Variants in DCHS2 observed in about 807,000 individuals in gnomAD.
The protein encoded by DCHS2 is dachsous cadherin-related 2, also known as protocadherin-23.
In DCHS2, 142 loss-of-function variants were observed where a neutral mutation model predicts 182.4. That is an observed-to-expected ratio of 0.78 (90% CI 0.68 to 0.89). The LOEUF is 0.89. Among genes scored for constraint, DCHS2 ranks in the 40% least tolerant of loss-of-function variants. The pLI, the probability that DCHS2 is intolerant of heterozygous loss-of-function variation, is 0.00. For missense variants in DCHS2, 4,319 were observed against 4,198.6 expected (o/e 1.03, Z -0.79); for synonymous variants, 1,740 against 1,663.3 (o/e 1.05, Z -1.12).
intron 1 of DCHS2, among the ~76,000 whole-genome samples, chr4:154,378,497 GTGGGA>G (rs1731017318): frequency 8.6e-6 from 1 of 116,580 alleles, no homozygotes; most frequent in Non-Finnish European, 2.0e-5. Flanking sequence ...GGGAGGGAGG[GTGGGA>G]AGGAAGGAAG....
rs1730362936 is a variant in DCHS2 at position 154,366,405 on chromosome 4, G to A, written c.2281C>T (p.Leu761=). The part of the protein sequence containing the change: ...LSAQAFVRVD[L]EDVNDNHPVF... The stretch of plus-strand genomic sequence containing the variant: ...GGATGATTATCATTCACGTCCTCCA[G>A]GTCCACACGAACAAAGGCTTGGGCA... Residue 761 remains leucine (L), a synonymous_variant, in exon 3 of 20, where the codon CTG becomes TTG. Coordinates refer to ENST00000357232, the MANE Select transcript of DCHS2 (RefSeq NM_001358235.2). The A allele has an allele frequency of 6.2e-7, 1 of 1,613,756 alleles. No individual in the cohort carries two copies. The highest frequency in any genetic ancestry group is 2.2e-5 in the East Asian group (1 of 44,816).
intron 4 of DCHS2, 76 bp from the exon 5 acceptor site, chr4:154,333,570 A>G: frequency 7.2e-7 from 1 of 1,383,424 alleles, no homozygotes; most frequent in Non-Finnish European, 9.8e-7. Context: ...TGAAATGTTA[A>G]TACAGTCATC....
At chr4:154,305,427 T>C (rs1230045052) in intron 10 of DCHS2, among the ~76,000 whole-genome samples, 196 bp from the exon 11 acceptor site, 1 of 152,232 alleles carries the variant, frequency 6.6e-6, no homozygotes, top group Non-Finnish European at 1.5e-5. Flanking sequence ...GCTGAAATGC[T>C]TGATTTTCAA....
At chr4:154,263,168 G>A (rs1398045687) in intron 14 of DCHS2, among the ~76,000 whole-genome samples, 1 of 151,892 alleles carries the variant, frequency 6.6e-6, no homozygotes, top group African/African-American at 2.4e-5. Flanking sequence ...CATTTTAAGT[G>A]GTGTATGTTT....
chr4:154,412,996 G>A (rs929676567), intron 1 of DCHS2, among the ~76,000 whole-genome samples: 22 of 152,286 alleles, frequency 1.4e-4, no homozygotes, highest in African/African-American at 4.6e-4. Context: ...AGGAAGAGGA[G>A]GAGGAAGGAA....
Position 154,297,993 on chromosome 4 carries a change from C to A in DCHS2, c.6321G>T (p.Trp2107Cys). The change falls in exon 13 of 20, where the codon TGG (tryptophan) becomes TGT (cysteine). Residue 2107 changes from tryptophan to cysteine, a missense_variant. Transcript: ENST00000357232. ...CCTGGTCTGTAACTTTTAACTGCAGCCAGATAGGGAAGTATTCTGAAGATG... is the reference window on the plus strand; with the variant it reads ...CCTGGTCTGTAACTTTTAACTGCAGACAGATAGGGAAGTATTCTGAAGATG... Reference protein sequence around the residue: ...QNPSSEYFPIWLQLKVTDQGI... With the variant: ...QNPSSEYFPICLQLKVTDQGI... 1 of 1,614,038 alleles carries A rather than the reference C, an allele frequency of 6.2e-7. No individual in the cohort carries two copies. Among genetic ancestry groups the A allele is most frequent in the Admixed American group, 1.7e-5 (1 of 60,006 alleles).
At chr4:154,372,610 A>G (rs184483963) in intron 2 of DCHS2, among the ~76,000 whole-genome samples, 3 of 152,346 alleles carry the variant, frequency 2.0e-5, no homozygotes, top group Admixed American at 2.0e-4. Flanking sequence ...AAAAAAATCT[A>G]TTTGGTAAAA....
chr4:154,455,968 T>C (rs1459225592), intron 1 of DCHS2, among the ~76,000 whole-genome samples: 1 of 151,990 alleles, frequency 6.6e-6, no homozygotes, highest in Non-Finnish European at 1.5e-5. Flanking sequence ...CACATGCCTG[T>C]AATCCCAGCT....
intron 3 of DCHS2, among the ~76,000 whole-genome samples, chr4:154,352,020 T>A (rs752609977): frequency 2.0e-5 from 3 of 152,024 alleles, no homozygotes; most frequent in Middle Eastern, 3.2e-3. Context: ...CACCTGAGTA[T>A]AGCATGAACT....
rs912035357 is a variant in DCHS2 at position 154,490,431 on chromosome 4, C to A, written c.925G>T (p.Ala309Ser). The A allele has an allele frequency of 2.6e-6, 4 of 1,533,834 alleles. No homozygotes were observed. In the African/African-American group the frequency reaches 4.1e-5, roughly 16 times the overall value. Residue 309 changes from alanine (A) to serine (S), a missense_variant, in exon 1 of 20, where the codon GCC becomes TCC. Physicochemically the swap from Ala to Ser is moderately conservative, Grantham distance 99 (BLOSUM62 1). Coordinates refer to ENST00000357232, the MANE Select transcript of DCHS2 (RefSeq NM_001358235.2). Reference protein sequence around the residue: ...DEYRAAVREDAQPGAEVCRVR... With the variant: ...DEYRAAVREDSQPGAEVCRVR... ...CGACAGACCTCGGCGCCCGGCTGGG[C>A]GTCCTCGCGCACCGCGGCGCGGTAC...
chr4:154,242,367 G>C (rs1214492944), intron 17 of DCHS2, among the ~76,000 whole-genome samples: 1 of 152,162 alleles, frequency 6.6e-6, no homozygotes, highest in Non-Finnish European at 1.5e-5. Context: ...TCATAGAGTA[G>C]ATATAATTTG....
intron 9 of DCHS2, among the ~76,000 whole-genome samples, chr4:154,317,156 AT>A (rs1735891209): frequency 6.6e-6 from 1 of 152,250 alleles, no homozygotes; most frequent in Non-Finnish European, 1.5e-5. Context: ...ATATGAATGC[AT>A]TTGGCAATTA....
intron 10 of DCHS2, among the ~76,000 whole-genome samples, chr4:154,311,432 G>T (rs1377035186): frequency 6.6e-6 from 1 of 150,456 alleles, no homozygotes; most frequent in Admixed American, 6.6e-5. Context: ...GTGAGGTCTT[G>T]CTATGTTGCC....
At position 154,243,828 on chromosome 4, in the gene DCHS2, G is replaced by A. The variant is rs148243927; in HGVS notation, c.6942-1056C>T. Among the ~76,000 whole-genome samples the A allele has an allele frequency of 4.1e-3, 618 of 152,208 alleles. 9 individuals carry two copies. The highest frequency in any genetic ancestry group is 0.014 in the African/African-American group (600 of 41,542). ...GACCTGATAAATTACCAACCTCCCT[G>A]CTGTGAGTCTCCTCTTGTTCCATCC... On this transcript the variant is annotated intron_variant, in intron 16 of 19. Transcript: ENST00000357232.
rs540887773 is a variant in DCHS2 at position 154,491,252 on chromosome 4, C to A, written c.104G>T (p.Arg35Leu). ...LPGRRDTPHG[R>L]SGSSGARTQR... Reference sequence around the variant, plus strand: ...CGTCCTGGCGCCGCTGCTGCCTGACCGCCCATGGGGTGTATCTCTCCTCCC... The same window carrying A: ...CGTCCTGGCGCCGCTGCTGCCTGACAGCCCATGGGGTGTATCTCTCCTCCC... Residue 35 changes from arginine to leucine, a missense_variant, in exon 1 of 20, where the codon CGG becomes CTG. Arg to Leu is a moderately radical substitution (Grantham distance 102). Transcript: ENST00000357232. 2.6e-6 allele frequency: 4 copies of A among 1,551,380 alleles called. No individual in the cohort carries two copies. Among genetic ancestry groups the A allele is most frequent in the East Asian group, 2.4e-5 (1 of 40,890 alleles).
At chr4:154,455,698 C>T (rs1036165181) in intron 1 of DCHS2, among the ~76,000 whole-genome samples, 26 of 152,184 alleles carry the variant, frequency 1.7e-4, no homozygotes, top group Admixed American at 9.2e-4. Flanking sequence ...AATTTTCTTT[C>T]GCTCAACACA....
chr4:154,386,457 C>G (rs1204847334), intron 1 of DCHS2, among the ~76,000 whole-genome samples: 1 of 151,336 alleles, frequency 6.6e-6, no homozygotes, highest in Non-Finnish European at 1.5e-5. Context: ...GATTGATGCT[C>G]TAGTCAAGAG....
chr4:154,415,891 C>T (rs884012), intron 1 of DCHS2, among the ~76,000 whole-genome samples: 90,986 of 151,876 alleles, frequency 0.6, 30,776 homozygotes, highest in Admixed American at 0.75. Flanking sequence ...TTTTTTACCT[C>T]TTCCATTTTA....
At position 154,333,385 on chromosome 4, in the gene DCHS2, C is replaced by T. The variant is rs764443353; in HGVS notation, c.2823G>A (p.Glu941=). Residue 941 remains glutamate, a synonymous_variant, in exon 5 of 20, where the codon GAG becomes GAA. Transcript: ENST00000357232. ...TIRTRKPLDH[E]TQPVVVLTVQ... is the part of the protein sequence containing the mutation. ...CCGTGAGCACAACCACGGGCTGCGT[C>T]TCGTGATCCAGGGGCTTCCGGGTGC... 2.5e-6 allele frequency: 4 copies of T among 1,614,164 alleles called. No individual in the cohort carries two copies. Among genetic ancestry groups the T allele is most frequent in the Non-Finnish European group, 3.4e-6 (4 of 1,180,042 alleles).
Sources: allele counts gnomAD v4.1 joint callset (sites outside exome capture counted in the v4.1 genomes callset), GRCh38; gene constraint gnomAD v4.1.1; transcripts MANE v1.5; gene names NCBI Gene and HGNC (gene_info 2026-07-23, HGNC 2026-07-21).